CMSS1: variants seen among roughly 807,000 people sequenced by gnomAD.
CMSS1 encodes cms1 ribosomal small subunit homolog, also known as protein CMSS1.
CMSS1 carries 33 observed loss-of-function variants against 43.5 expected under a neutral mutation model. The ratio of observed to expected loss-of-function variants is 0.76; its 90% confidence interval spans 0.57 to 1.01. The LOEUF (loss-of-function observed/expected upper bound fraction) is 1.01. CMSS1 is among the 50% of genes least tolerant of loss of function. CMSS1 has a pLI of 0.00. For missense variants in CMSS1, 313 were observed against 326.4 expected (o/e 0.96, Z 0.32); for synonymous variants, 115 against 117.2 (o/e 0.98, Z 0.12).
intron 1 of CMSS1, among the ~76,000 whole-genome samples, chr3:99,962,913 G>C (rs1469045926): frequency 6.6e-6 from 1 of 152,190 alleles, no homozygotes; most frequent in African/African-American, 2.4e-5. Context: ...TCACTGGAAT[G>C]TTCATGGCCG....
intron 1 of CMSS1, among the ~76,000 whole-genome samples, chr3:99,951,444 G>C (rs529775224): frequency 1.0e-3 from 159 of 152,174 alleles, no homozygotes; most frequent in Non-Finnish European, 2.0e-3. Context: ...ATGATTGAAT[G>C]AATGAGGTTG....
At chr3:99,995,086 C>T (rs768852583) in intron 1 of CMSS1, among the ~76,000 whole-genome samples, 4 of 152,238 alleles carry the variant, frequency 2.6e-5, no homozygotes, top group East Asian at 1.9e-4. Flanking sequence ...ACCCAAAACG[C>T]GCAGTCCAAA....
At chr3:100,014,807 A>ATT (rs201338660) in intron 1 of CMSS1, among the ~76,000 whole-genome samples, 1,408 of 64,542 alleles carry the variant, frequency 0.022, 30 homozygotes, top group African/African-American at 0.071. Context: ...CATTCTATTG[A>ATT]TTTTTTTTTT....
Position 100,162,311 on chromosome 3 carries a change from T to G in CMSS1, c.234T>G (p.Ile78Met). 2 of 1,607,592 alleles carry G rather than the reference T, an allele frequency of 1.2e-6. No homozygotes were observed. The highest frequency in any genetic ancestry group is 8.5e-7 in the Non-Finnish European group (1 of 1,177,818). Residue 78 changes from isoleucine to methionine, a missense_variant, in exon 4 of 10, where the codon ATT becomes ATG. By Grantham distance (10) the Ile-to-Met change is conservative. Coordinates refer to ENST00000421999, the MANE Select transcript of CMSS1 (RefSeq NM_032359.4). Reference protein sequence around the residue: ...TKTRKRRKKKITDVLAKSEPK... With the variant: ...TKTRKRRKKKMTDVLAKSEPK... ...TCTTTCTCATATCTTAGAAGAAAAT[T>G]ACTGATGTTCTTGCAAAATCAGAAC...
intron 1 of CMSS1, among the ~76,000 whole-genome samples, chr3:99,866,446 A>C (rs1016822122): frequency 2.6e-5 from 4 of 152,188 alleles, no homozygotes; most frequent in South Asian, 2.1e-4. Context: ...TTTTACTGTG[A>C]CTACTGAAGT....
intron 1 of CMSS1, among the ~76,000 whole-genome samples, chr3:100,051,043 A>G (rs918540055): frequency 6.6e-6 from 1 of 152,200 alleles, no homozygotes; most frequent in Non-Finnish European, 1.5e-5. Context: ...CAATAGAGAA[A>G]TCACATAAAA....
At chr3:99,947,892 T>G (rs1255206078) in intron 1 of CMSS1, among the ~76,000 whole-genome samples, 2 of 152,202 alleles carry the variant, frequency 1.3e-5, no homozygotes, top group Non-Finnish European at 2.9e-5. Flanking sequence ...GCACATTTTT[T>G]CCTTTCATGG....
intron 3 of CMSS1, 113 bp downstream of exon 3, chr3:100,160,614 A>T: frequency 1.7e-6 from 1 of 598,630 alleles, no homozygotes; most frequent in Admixed American, 3.0e-5. Context: ...AGATGCAGAC[A>T]TTGTAAGATT....
intron 1 of CMSS1, chr3:99,833,248 A>G: frequency 1.9e-6 from 3 of 1,612,482 alleles, no homozygotes; most frequent in Non-Finnish European, 2.5e-6. Flanking sequence ...ATGAGGCAGA[A>G]GAAGTGGTTC....
intron 1 of CMSS1, among the ~76,000 whole-genome samples, chr3:99,882,262 G>A (rs1187659639): frequency 2.0e-5 from 3 of 152,022 alleles, no homozygotes; most frequent in Non-Finnish European, 2.9e-5. Context: ...ATTCTGCTTT[G>A]TCCATTATTT....
rs1236797792 is a variant in CMSS1, at chr3:99,984,303, G to A, written c.65-162670G>A. ...CAAACAAAATGAAAGGCTATATTTT[G>A]TCTTCTCCACATGTAATCTAGAGCC... On this transcript the variant is annotated intron_variant, in intron 1 of 9. Transcript: ENST00000421999. Among the ~76,000 whole-genome samples the A allele has an allele frequency of 3.9e-5, 6 of 152,062 alleles. No individual in the cohort carries two copies. The South Asian group carries it at 1.0e-3, about 26-fold the overall frequency.
At chr3:100,149,715 G>A (rs529550265) in intron 2 of CMSS1, among the ~76,000 whole-genome samples, 4 of 152,098 alleles carry the variant, frequency 2.6e-5, no homozygotes, top group Admixed American at 6.5e-5. Context: ...GACTCACCTC[G>A]AGGACAGATT....
At chr3:99,898,053 C>T (rs917035358) in intron 1 of CMSS1, 7 of 151,974 alleles carry the variant, frequency 4.6e-5, no homozygotes, top group Admixed American at 1.3e-4. Context: ...AGTTAGTCGT[C>T]AGAATGTATT....
chr3:100,075,897 A>T (rs1457249263), intron 1 of CMSS1, among the ~76,000 whole-genome samples: 1 of 152,164 alleles, frequency 6.6e-6, no homozygotes, highest in Non-Finnish European at 1.5e-5. Flanking sequence ...GGGTATTAGG[A>T]TTCGATTCAG....
chr3:99,957,689 C>CTTTTTTTTTTTTTTTTT (rs1708363173), intron 1 of CMSS1, among the ~76,000 whole-genome samples: 2 of 7,964 alleles, frequency 2.5e-4, no homozygotes, highest in Non-Finnish European at 6.0e-4. Context: ...TCTTTTCTTT[C>CTTTTTTTTTTTTTTTTT]TTTCTTTTTT....
intron 1 of CMSS1, among the ~76,000 whole-genome samples, chr3:99,957,073 C>A (rs1559702995): frequency 6.6e-6 from 1 of 152,172 alleles, no homozygotes; most frequent in Non-Finnish European, 1.5e-5. Context: ...CTTAACCCTG[C>A]TTAACATACT....
chr3:100,107,536 A>G (rs114262672), intron 1 of CMSS1, among the ~76,000 whole-genome samples: 1,633 of 152,236 alleles, frequency 0.011, 34 homozygotes, highest in African/African-American at 0.036. Flanking sequence ...TCTGAAACTA[A>G]CCTAACCACT....
intron 1 of CMSS1, among the ~76,000 whole-genome samples, chr3:99,981,582 T>C (rs1386005334): frequency 1.3e-5 from 2 of 152,210 alleles, no homozygotes; most frequent in African/African-American, 4.8e-5. Flanking sequence ...ATACTAAATA[T>C]GGTATTTAAT....
At chr3:100,104,875 A>T (rs535801192) in intron 1 of CMSS1, among the ~76,000 whole-genome samples, 1 of 152,166 alleles carries the variant, frequency 6.6e-6, no homozygotes, top group Non-Finnish European at 1.5e-5. Flanking sequence ...AGCTATTGCC[A>T]TCCTTGTTTC....
Sources: allele counts gnomAD v4.1 joint callset (sites outside exome capture counted in the v4.1 genomes callset), GRCh38; gene constraint gnomAD v4.1.1; transcripts MANE v1.5; gene names NCBI Gene and HGNC (gene_info 2026-07-23, HGNC 2026-07-21).